The following NKAIN3 variants were observed in gnomAD, a reference collection of about 807,000 sequenced individuals.
The protein encoded by NKAIN3 is sodium/potassium transporting ATPase interacting 3.
In NKAIN3, 25 loss-of-function variants were observed where a neutral mutation model predicts 30.2. The ratio of observed to expected loss-of-function variants is 0.83; its 90% CI spans 0.60 to 1.16. The LOEUF is 1.16. Among genes scored for constraint, NKAIN3 ranks in the 50% most tolerant of loss-of-function variants. The pLI is 0.00. For missense variants in NKAIN3, 225 were observed against 254.1 expected (o/e 0.89, Z 0.78); for synonymous variants, 91 against 89.6 (o/e 1.02, Z -0.09).
intron 1 of NKAIN3, among the ~76,000 whole-genome samples, chr8:62,390,826 A>C (rs553350506): frequency 6.6e-6 from 1 of 152,126 alleles, no homozygotes; most frequent in African/African-American, 2.4e-5. Context: ...ATTGTCGGCC[A>C]CATGTATGTT....
chr8:62,833,512 A>C (rs1392420630), intron 4 of NKAIN3, among the ~76,000 whole-genome samples: 1 of 152,132 alleles, frequency 6.6e-6, no homozygotes, highest in Non-Finnish European at 1.5e-5. Context: ...AATCCCACAG[A>C]AATATACAAA....
chr8:62,827,647 T>A (rs1459375062), intron 4 of NKAIN3, among the ~76,000 whole-genome samples: 1 of 152,168 alleles, frequency 6.6e-6, no homozygotes, highest in Non-Finnish European at 1.5e-5. Flanking sequence ...CACATGAATA[T>A]GGTAGACCAG....
chr8:62,856,335 C>T lies in NKAIN3; in HGVS notation c.472-62118C>T, dbSNP rs144550944. ...ATCTTTGATGAGCTTCAGCTTTAAC[C>T]TGCTTAGTGCTTGCTTCCTGGTCTC... On this transcript the variant is annotated intron_variant, in intron 4 of 6. Coordinates refer to ENST00000623646, the MANE Select transcript of NKAIN3 (RefSeq NM_001304533.3). 600 of 919,968 alleles carry T rather than the reference C, an allele frequency of 6.5e-4. 3 individuals are homozygous for T. The African/African-American group carries it at 9.0e-3, about 14-fold the overall frequency. The allele number at this position is 919,968 out of a possible 1,614,324, so 57.0% of individuals were successfully genotyped here. A position where few individuals can be genotyped will look rare whatever the true frequency, so the allele number is the denominator to read the frequency against.
At chr8:62,811,237 G>A (rs553018880) in intron 4 of NKAIN3, among the ~76,000 whole-genome samples, 59 of 152,112 alleles carry the variant, frequency 3.9e-4, no homozygotes, top group African/African-American at 1.3e-3. Flanking sequence ...TCCTTGATAT[G>A]GGTGTACCAT....
intron 2 of NKAIN3, among the ~76,000 whole-genome samples, chr8:62,582,499 A>G (rs1810336485): frequency 6.6e-6 from 1 of 152,092 alleles, no homozygotes; most frequent in Non-Finnish European, 1.5e-5. Flanking sequence ...GGGGTTAGGC[A>G]CCCTGCAGGG....
chr8:62,281,225 CT>C lies in NKAIN3; in HGVS notation c.54+32099del, dbSNP rs541197583. ...CTGTGGGATTGATGGTAATATCCCC[CT>C]CTATCATTTTTTATTGCATCTATTT... On this transcript the variant is annotated intron_variant, in intron 1 of 6. Coordinates refer to ENST00000623646, the MANE Select transcript of NKAIN3 (RefSeq NM_001304533.3). Among the ~76,000 whole-genome samples the C allele has an allele frequency of 1.1e-4, 17 of 152,062 alleles. No homozygotes were observed. In the South Asian group the frequency reaches 3.5e-3, roughly 32 times the overall value.
chr8:62,593,634 GA>G (rs989840156), intron 3 of NKAIN3, among the ~76,000 whole-genome samples: 92 of 151,686 alleles, frequency 6.1e-4, no homozygotes, highest in African/African-American at 2.1e-3. Context: ...AAGATTAATA[GA>G]AAAAAATTAA....
chr8:62,297,707 A>G (rs974816669), intron 1 of NKAIN3, among the ~76,000 whole-genome samples: 8 of 152,034 alleles, frequency 5.3e-5, no homozygotes, highest in African/African-American at 1.9e-4. Context: ...AAATAGGAAC[A>G]CTTTTACACT....
intron 4 of NKAIN3, among the ~76,000 whole-genome samples, chr8:62,804,991 T>C (rs1217958691): frequency 5.3e-5 from 8 of 152,202 alleles, no homozygotes; most frequent in East Asian, 1.9e-4. Context: ...ATCACAATCA[T>C]TCTTATACAC....
At chr8:62,748,781 A>T (rs1329963308) in intron 4 of NKAIN3, among the ~76,000 whole-genome samples, 1 of 152,184 alleles carries the variant, frequency 6.6e-6, no homozygotes, top group African/African-American at 2.4e-5. Context: ...GATGGGAAGG[A>T]ATTTCTTTTC....
chr8:62,283,835 AT>A (rs1813282351), intron 1 of NKAIN3, among the ~76,000 whole-genome samples: 2 of 152,128 alleles, frequency 1.3e-5, no homozygotes, highest in African/African-American at 4.8e-5. Context: ...GAAATTTTGT[AT>A]CTTGTATACT....
chr8:62,516,043 AT>A (rs957533536), intron 1 of NKAIN3, among the ~76,000 whole-genome samples: 20 of 150,716 alleles, frequency 1.3e-4, no homozygotes, highest in African/African-American at 4.6e-4. Context: ...AAAAAGCCCC[AT>A]TTTTTTTTAA....
At chr8:62,729,051 A>AAAAAAAAAAAAAAAC (rs1815381968) in intron 3 of NKAIN3, among the ~76,000 whole-genome samples, 1 of 143,856 alleles carries the variant, frequency 7.0e-6, no homozygotes, top group Non-Finnish European at 1.5e-5. Context: ...AAAAAAAAAA[A>AAAAAAAAAAAAAAAC]ACCTCCTGCT....
rs1247868017 is a variant in NKAIN3, at chr8:62,569,848, T to C, written c.55-9691T>C. On this transcript the variant is annotated intron_variant, in intron 1 of 6. Transcript: ENST00000623646. ...CTAGGAAATACCAATTTAGCTAATA[T>C]GAATGATATTTAGAGCTTTTAAATC... is the stretch of plus-strand genomic sequence containing the variant. 3.3e-5 allele frequency among the ~76,000 whole-genome samples: 5 copies of C among 152,100 alleles called. No individual in the cohort carries two copies. The East Asian group carries it at 9.6e-4, about 29-fold the overall frequency.
intron 5 of NKAIN3, among the ~76,000 whole-genome samples, chr8:62,998,281 T>C (rs958919319): frequency 1.1e-4 from 17 of 151,704 alleles, no homozygotes; most frequent in South Asian, 2.1e-4. Context: ...TCTTTTTTTT[T>C]CCCCCACAGG....
At chr8:62,998,582 A>G (rs1292486916) in intron 5 of NKAIN3, among the ~76,000 whole-genome samples, 2 of 151,872 alleles carry the variant, frequency 1.3e-5, no homozygotes, top group African/African-American at 4.8e-5. Flanking sequence ...GCTGCTTTTC[A>G]TTTTTCTATC....
intron 1 of NKAIN3, among the ~76,000 whole-genome samples, chr8:62,512,231 T>C (rs1807836913): frequency 6.6e-6 from 1 of 152,190 alleles, no homozygotes; most frequent in Non-Finnish European, 1.5e-5. Flanking sequence ...GCATTGTGGA[T>C]ATCAGGCTAA....
At chr8:62,530,789 CCACCA>C (rs1257437671) in intron 1 of NKAIN3, among the ~76,000 whole-genome samples, 1 of 151,978 alleles carries the variant, frequency 6.6e-6, no homozygotes, top group Non-Finnish European at 1.5e-5. Context: ...CATGTGTGTG[CCACCA>C]CACCTGGCTA....
intron 5 of NKAIN3, among the ~76,000 whole-genome samples, chr8:62,928,835 T>C (rs573576433): frequency 5.5e-4 from 84 of 152,318 alleles, no homozygotes; most frequent in African/African-American, 2.0e-3. Flanking sequence ...AGGTGATAAG[T>C]GCCTTTGAGG....
Sources: allele counts gnomAD v4.1 joint callset (sites outside exome capture counted in the v4.1 genomes callset), GRCh38; gene constraint gnomAD v4.1.1; transcripts MANE v1.5; gene names NCBI Gene and HGNC (gene_info 2026-07-23, HGNC 2026-07-21).